Variants in PLAGL2 observed in about 807,000 individuals in gnomAD.
PLAGL2 encodes PLAG1 like zinc finger 2.
In PLAGL2, 7 loss-of-function variants were observed where a neutral mutation model predicts 29.0. The observed-to-expected ratio is 0.24, with a 90% CI of 0.14 to 0.45. PLAGL2 has a LOEUF of 0.45. PLAGL2 is among the 20% of genes least tolerant of loss of function. The pLI is 0.99. For missense variants in PLAGL2, 454 were observed against 648.2 expected, an observed-to-expected ratio of 0.70 and a Z score of 3.25; for synonymous variants, 234 against 266.0, an observed-to-expected ratio of 0.88 and a Z score of 1.17.
In PLAGL2 at chr20:32,192,716, G is replaced by T. The variant is rs542102775; in HGVS notation, c.*3736C>A. 1 of 152,628 alleles carries T rather than the reference G, an allele frequency of 6.6e-6. No individual in the cohort carries two copies. The highest frequency in any genetic ancestry group is 6.5e-5 in the Admixed American group (1 of 15,276). 9.5% of individuals were successfully genotyped at this position (152,628 alleles called of 1,614,324 possible). ...TCACTGTGTTTACAAAGTGCTAGAAGATTTCTGTCTTGTACTTTTCTCTTT... is the reference window on the plus strand; with the variant it reads ...TCACTGTGTTTACAAAGTGCTAGAATATTTCTGTCTTGTACTTTTCTCTTT... On this transcript the variant is annotated 3_prime_UTR_variant, in exon 3 of 3. Transcript: ENST00000246229.
rs2047224974 is a variant in PLAGL2, at chr20:32,195,870, TA to T, written c.*581del. On this transcript the variant is annotated 3_prime_UTR_variant, in exon 3 of 3. Coordinates refer to ENST00000246229, the MANE Select transcript of PLAGL2 (RefSeq NM_002657.3). ...AAATGGTGTGTCTGAGGTGACTGTG[TA>T]AACGGTACCGTTGCTGGACAACACT... 6.5e-6 allele frequency: 1 copy of T among 152,720 alleles called. No homozygotes were observed. Among genetic ancestry groups the T allele is most frequent in the African/African-American group, 2.4e-5 (1 of 41,456 alleles). 9.5% of individuals were successfully genotyped at this position (152,720 alleles called of 1,614,324 possible). A position where few individuals can be genotyped will look rare whatever the true frequency, so the allele number is the denominator to read the frequency against.
chr20:32,207,015 T>G (rs566728917), intron 1 of PLAGL2, among the ~76,000 whole-genome samples: 1 of 152,110 alleles, frequency 6.6e-6, no homozygotes, highest in African/African-American at 2.4e-5. Context: ...TAGTCAGAAG[T>G]GTATCCTCTG....
rs1317668854 is a variant in PLAGL2, at chr20:32,196,447, G to C, written c.*5C>G. 2 of 1,463,664 alleles carry C rather than the reference G, an allele frequency of 1.4e-6. No homozygotes were observed. Among genetic ancestry groups the C allele is most frequent in the South Asian group, 1.6e-5 (1 of 61,560 alleles). 90.7% of individuals were successfully genotyped at this position (1,463,664 alleles called of 1,614,324 possible). ...CAAAAACTGAGCTGAGGGCCTCTGT[G>C]GGGGCTACTGGAATGCTTGATGGAA... On this transcript the variant is annotated 3_prime_UTR_variant, in exon 3 of 3. Coordinates refer to ENST00000246229, the MANE Select transcript of PLAGL2 (RefSeq NM_002657.3).
At chr20:32,201,781 T>G (rs1184705526) in intron 2 of PLAGL2, 138 bp downstream of exon 2, 6 of 670,742 alleles carry the variant, frequency 8.9e-6, no homozygotes, top group Non-Finnish European at 1.3e-5. Flanking sequence ...TTCAACTGTT[T>G]GGCATTCAGG....
intron 1 of PLAGL2, among the ~76,000 whole-genome samples, chr20:32,205,165 A>C (rs2047279732): frequency 6.6e-6 from 1 of 152,194 alleles, no homozygotes; most frequent in Non-Finnish European, 1.5e-5. Context: ...GTGTGCTCTG[A>C]ATACATGCAG....
At position 32,202,198 on chromosome 20, in the gene PLAGL2, G is replaced by T. The variant is rs773906585; in HGVS notation, c.-20C>A. The T allele has an allele frequency of 2.5e-6, 4 of 1,611,628 alleles. No individual in the cohort carries two copies. The highest frequency in any genetic ancestry group is 2.7e-5 in the African/African-American group (2 of 74,940). On this transcript the variant is annotated 5_prime_UTR_variant, in exon 2 of 3. Transcript: ENST00000246229. Reference sequence around the variant, plus strand: ...GGTCATGGCAAGGCTAATGGCAAAGGGCCATGTTATTGAGAAAGCCTCCCC... The same window carrying T: ...GGTCATGGCAAGGCTAATGGCAAAGTGCCATGTTATTGAGAAAGCCTCCCC...
rs746032412 is a variant in PLAGL2 at position 32,196,663 on chromosome 20, G to A, written c.1280C>T (p.Pro427Leu). Reference sequence around the variant, plus strand: ...TCCTGTGGCCCCAGGTGGGTTACACGGGGGCAGGTTGAGTGGAAGAAAGCC... The same window carrying A: ...TCCTGTGGCCCCAGGTGGGTTACACAGGGGCAGGTTGAGTGGAAGAAAGCC... ...LLGFLPLNLP[P>L]CNPPGATGGL... Residue 427 changes from proline (P) to leucine (L), a missense_variant, in exon 3 of 3, where the codon CCG (proline) becomes CTG (leucine). Around this residue, in one of 4 missense-constraint regions of PLAGL2, gnomAD observed 247 missense variants for 350.3 expected, o/e 0.71. Transcript: ENST00000246229. The A allele has an allele frequency of 6.5e-6, 10 of 1,540,326 alleles. No individual in the cohort carries two copies. The highest frequency in any genetic ancestry group is 7.9e-6 in the Non-Finnish European group (9 of 1,144,100).
chr20:32,196,504 G>T lies in PLAGL2; in HGVS notation c.1439C>A (p.Thr480Lys). Residue 480 changes from threonine to lysine, a missense_variant, in exon 3 of 3, where the codon ACG becomes AAG. This residue lies in a region of PLAGL2 where 247 missense variants were observed against 350.3 expected (regional missense o/e 0.71). Transcript: ENST00000246229. ...CAGGGTGGTGCTACTCAGGCCAGAC[G>T]TGAAGACAGGAGGCAAGGAGTGCAG... The part of the protein sequence containing the change: ...GPLHSLPPVF[T>K]SGLSSTTLPR... 3 of 1,519,488 alleles carry T rather than the reference G, an allele frequency of 2.0e-6. No homozygotes were observed. Among genetic ancestry groups the T allele is most frequent in the Non-Finnish European group, 2.6e-6 (3 of 1,136,460 alleles). The allele number at this position is 1,519,488 out of a possible 1,614,324, so 94.1% of individuals were successfully genotyped here.
chr20:32,199,914 G>A (rs2047250100), intron 2 of PLAGL2, among the ~76,000 whole-genome samples: 1 of 152,096 alleles, frequency 6.6e-6, no homozygotes, highest in South Asian at 2.1e-4. Flanking sequence ...AGCACACAGA[G>A]AATCTAAGCA....
rs1318600351 is a variant in PLAGL2 at position 32,194,214 on chromosome 20, GT to G, written c.*2237del. On this transcript the variant is annotated 3_prime_UTR_variant, in exon 3 of 3. Coordinates refer to ENST00000246229, the MANE Select transcript of PLAGL2 (RefSeq NM_002657.3). ...AACTGAGAGTGTAGGGAAGGTGGCAGTTAAGGTGAGAAGGGTTGCTGAGTCT... is the reference window on the plus strand; with the variant it reads ...AACTGAGAGTGTAGGGAAGGTGGCAGTAAGGTGAGAAGGGTTGCTGAGTCT... 1 of 152,066 alleles carries G rather than the reference GT, an allele frequency of 6.6e-6. No individual in the cohort carries two copies. The highest frequency in any genetic ancestry group is 1.5e-5 in the Non-Finnish European group (1 of 68,024). The allele number at this position is 152,066 out of a possible 1,614,324, so 9.4% of individuals were successfully genotyped here. A position where few individuals can be genotyped will look rare whatever the true frequency, so the allele number is the denominator to read the frequency against.
Position 32,201,923 on chromosome 20 carries a change from A to G in PLAGL2, c.256T>C (p.Tyr86His). Residue 86 changes from tyrosine to histidine, a missense_variant, in exon 2 of 3, where the codon TAT becomes CAT. Transcript: ENST00000246229. ...AGATATGAGAGTGTCACCTACCTATACAGCTTGTATTTGGAAGCAAAAGCC... is the reference window on the plus strand; with the variant it reads ...AGATATGAGAGTGTCACCTACCTATGCAGCTTGTATTTGGAAGCAAAAGCC... ...GKAFASKYKL[Y>H]RHMATHSAQK... 8.7e-6 allele frequency: 14 copies of G among 1,613,638 alleles called. No homozygotes were observed. The highest frequency in any genetic ancestry group is 1.2e-5 in the Non-Finnish European group (14 of 1,179,632).
chr20:32,205,623 C>G (rs1323839116), intron 1 of PLAGL2, among the ~76,000 whole-genome samples: 2 of 152,162 alleles, frequency 1.3e-5, no homozygotes, highest in Non-Finnish European at 2.9e-5. Context: ...TACATCATCT[C>G]TATAGAAACT....
Position 32,202,152 on chromosome 20 carries a change from G to C in PLAGL2, c.27C>G (p.Pro9=). 6.2e-7 allele frequency: 1 copy of C among 1,614,158 alleles called. No individual in the cohort carries two copies. The highest frequency in any genetic ancestry group is 8.5e-7 in the Non-Finnish European group (1 of 1,180,040). The stretch of plus-strand genomic sequence containing the variant: ...CCTGCTTTGCATCTTGAATCCAGGG[G>C]GGGACGCTGGTGAAAAATGTGGTCA... MTTFFTSV[P]PWIQDAKQEE... is the part of the protein sequence containing the mutation. Residue 9 remains proline (P), a synonymous_variant, in exon 2 of 3, where the codon CCC becomes CCG. Transcript: ENST00000246229.
At chr20:32,206,636 C>T (rs879809242) in intron 1 of PLAGL2, among the ~76,000 whole-genome samples, 1 of 152,224 alleles carries the variant, frequency 6.6e-6, no homozygotes, top group Non-Finnish European at 1.5e-5. Flanking sequence ...TGGAAAAACA[C>T]ACAAGCCAGG....
chr20:32,207,096 G>A (rs1003420498), intron 1 of PLAGL2, among the ~76,000 whole-genome samples: 2 of 152,172 alleles, frequency 1.3e-5, no homozygotes, highest in Admixed American at 6.5e-5. Flanking sequence ...GGCCACTGAG[G>A]AGGGAACTAC....
chr20:32,198,926 T>A (rs1285798166), intron 2 of PLAGL2, among the ~76,000 whole-genome samples: 3 of 152,156 alleles, frequency 2.0e-5, no homozygotes, highest in Admixed American at 1.3e-4. Flanking sequence ...CTTTAAGAAA[T>A]GTTTTAATGG....
intron 1 of PLAGL2, among the ~76,000 whole-genome samples, chr20:32,206,168 G>C (rs985293378): frequency 1.3e-5 from 2 of 152,182 alleles, no homozygotes; most frequent in East Asian, 1.9e-4. Context: ...AACAGATCCT[G>C]ATCTCAGAAC....
Position 32,201,992 on chromosome 20 carries a change from G to A in PLAGL2, c.187C>T (p.Pro63Ser), listed in dbSNP as rs776525199. 1 of 1,614,104 alleles carries A rather than the reference G, an allele frequency of 6.2e-7. No homozygotes were observed. The highest frequency in any genetic ancestry group is 1.7e-5 in the Admixed American group (1 of 60,032). The change falls in exon 2 of 3, where the codon CCA (proline) becomes TCA (serine). Residue 63 changes from proline to serine, a missense_variant. Coordinates refer to ENST00000246229, the MANE Select transcript of PLAGL2 (RefSeq NM_002657.3). ...GGGCAGCTATATGGTCTCTGCTCTG[G>A]TTGCGGGAGGCTGTGAGGCCTCAGC... ...EKLRPHSLPQ[P>S]EQRPYSCPQL...
Position 32,197,075 on chromosome 20 carries a change from G to T in PLAGL2, c.868C>A (p.Pro290Thr), listed in dbSNP as rs1244545170. Residue 290 changes from proline (P) to threonine (T), a missense_variant, in exon 3 of 3, where the codon CCT becomes ACT. By Grantham distance (38) the Pro-to-Thr change is conservative (BLOSUM62 -1). Around this residue, in one of 4 missense-constraint regions of PLAGL2, gnomAD observed 247 missense variants for 350.3 expected, o/e 0.71. Coordinates refer to ENST00000246229, the MANE Select transcript of PLAGL2 (RefSeq NM_002657.3). The surrounding 1 kb of genome is among the most constrained non-coding windows in gnomAD (Gnocchi z 6.6). ...SRDVMGTKAFPGMLPMGMYGA... is the reference protein window; with the variant it reads ...SRDVMGTKAFTGMLPMGMYGA... ...TACATGCCCATGGGCAACATGCCAG[G>T]GAAGGCCTTGGTCCCCATTACGTCC... is the stretch of plus-strand genomic sequence containing the variant. 6.2e-7 allele frequency: 1 copy of T among 1,614,168 alleles called. No individual in the cohort carries two copies. The highest frequency in any genetic ancestry group is 8.5e-7 in the Non-Finnish European group (1 of 1,180,018).
Sources: gnomAD v4.1 joint callset for allele counts (sites outside exome capture counted in the v4.1 genomes callset) on GRCh38, gnomAD v4.1.1 for gene constraint, gnomAD v4.1.1 regional missense constraint, Gnocchi (gnomAD v3.1) non-coding constraint, MANE v1.5 for transcripts, NCBI Gene and HGNC (gene_info 2026-07-23, HGNC 2026-07-21) for gene names.